Variants in ZNF655 observed in about 807,000 individuals in gnomAD.
ZNF655 encodes the protein zinc finger protein 655, also known as Vav-interacting Kruppel-like protein 1.
In ZNF655, 3 loss-of-function variants were observed where a neutral mutation model predicts 6.6. The ratio of observed to expected loss-of-function variants is 0.46; its 90% CI spans 0.21 to 1.18. ZNF655 has a LOEUF of 1.18. Among genes scored for constraint, ZNF655 ranks in the 50% most tolerant of loss-of-function variants. ZNF655 has a pLI of 0.24. For missense variants in ZNF655, 526 were observed against 572.3 expected (o/e 0.92, Z 0.83); for synonymous variants, 178 against 195.0 (o/e 0.91, Z 0.73).
chr7:99,562,448 C>A, intron 2 of ZNF655: 1 of 1,614,114 alleles, frequency 6.2e-7, no homozygotes, highest in Non-Finnish European at 8.5e-7. Flanking sequence ...AGAGGGACCT[C>A]TACAGAGAAG....
intron 2 of ZNF655, chr7:99,571,322 T>G: frequency 7.8e-7 from 1 of 1,287,242 alleles, no homozygotes; most frequent in Non-Finnish European, 1.0e-6. Flanking sequence ...GAATTACATT[T>G]TGATGACCTC....
At chr7:99,566,006 A>G (rs1454563701) in intron 2 of ZNF655, among the ~76,000 whole-genome samples, 2 of 149,790 alleles carry the variant, frequency 1.3e-5, no homozygotes, top group African/African-American at 2.5e-5. Context: ...ACACACACAG[A>G]CATAGGACAT....
At chr7:99,565,191 C>T (rs1467791602) in intron 2 of ZNF655, among the ~76,000 whole-genome samples, 4 of 150,012 alleles carry the variant, frequency 2.7e-5, no homozygotes, top group African/African-American at 4.9e-5. Flanking sequence ...TTTTTTGAGA[C>T]GGAGTCTTGC....
intron 2 of ZNF655, chr7:99,563,961 G>C (rs776385536): frequency 1.2e-6 from 2 of 1,613,910 alleles, no homozygotes; most frequent in East Asian, 4.5e-5. Context: ...AGAAACACTT[G>C]CCGTCCTTAC....
rs1438205755 is a variant in ZNF655 at position 99,564,820 on chromosome 7, T to A, written c.136+4125T>A. 4 of 526,528 alleles carry A rather than the reference T, an allele frequency of 7.6e-6. No individual in the cohort carries two copies. In the African/African-American group the frequency reaches 8.3e-5, roughly 11 times the overall value. 32.6% of individuals were successfully genotyped at this position (526,528 alleles called of 1,614,324 possible). On this transcript the variant is annotated intron_variant, in intron 2 of 2. Transcript: ENST00000252713. The stretch of plus-strand genomic sequence containing the variant: ...CCTCTCTTATCTCTGCACTGCACAC[T>A]CGACATGCAGTCGACATGCATACAC...
chr7:99,570,196 T>C (rs1319371152), intron 2 of ZNF655: 1 of 152,246 alleles, frequency 6.6e-6, no homozygotes, highest in Non-Finnish European at 1.5e-5. Context: ...ACAGACACTT[T>C]AAATATCTCA....
intron 2 of ZNF655, among the ~76,000 whole-genome samples, chr7:99,566,295 T>C (rs1029487832): frequency 2.6e-5 from 4 of 152,196 alleles, no homozygotes; most frequent in African/African-American, 9.7e-5. Context: ...GTGAGTTGTG[T>C]GTACTCTGAT....
intron 2 of ZNF655, among the ~76,000 whole-genome samples, chr7:99,568,637 T>C (rs1007168691): frequency 3.3e-5 from 5 of 152,150 alleles, no homozygotes; most frequent in African/African-American, 1.2e-4. Context: ...TTTTAATTTT[T>C]TGTAGAGATG....
At chr7:99,564,191 T>G (rs1444054122) in intron 2 of ZNF655, 1 of 1,395,204 alleles carries the variant, frequency 7.2e-7, no homozygotes, top group African/African-American at 1.5e-5. Flanking sequence ...CAACCAGATA[T>G]GTTTTGAACC....
At chr7:99,562,205 A>G in intron 2 of ZNF655, 2 of 882,256 alleles carry the variant, frequency 2.3e-6, no homozygotes, top group South Asian at 2.0e-5. Context: ...ATGGGTGCTT[A>G]TTAGATGTTT....
chr7:99,568,684 C>G (rs1191289669), intron 2 of ZNF655, among the ~76,000 whole-genome samples: 1 of 152,180 alleles, frequency 6.6e-6, no homozygotes, highest in Non-Finnish European at 1.5e-5. Flanking sequence ...TCTCAAATTC[C>G]TGAGCTCATG....
At chr7:99,565,977 C>CAT (rs1202534319) in intron 2 of ZNF655, among the ~76,000 whole-genome samples, 1 of 151,846 alleles carries the variant, frequency 6.6e-6, no homozygotes, top group African/African-American at 2.4e-5. Context: ...TATACACACA[C>CAT]ACACACATAT....
In ZNF655 at chr7:99,560,530, C is replaced by T. The variant is rs749019662; in HGVS notation, c.-27-3C>T. 3 of 1,608,562 alleles carry T rather than the reference C, an allele frequency of 1.9e-6. No individual in the cohort carries two copies. The highest frequency in any genetic ancestry group is 1.7e-6 in the Non-Finnish European group (2 of 1,176,490). Reference sequence around the variant, plus strand: ...AGTAATTTCTCTTAATCTTACCTTGCAGTGATGGTCATTGTCCTCCAGAGC... The same window carrying T: ...AGTAATTTCTCTTAATCTTACCTTGTAGTGATGGTCATTGTCCTCCAGAGC... On this transcript the variant is annotated splice_region_variant and splice_polypyrimidine_tract_variant and intron_variant, in intron 1 of 2. Transcript: ENST00000252713.
chr7:99,567,277 T>G (rs1428768215), intron 2 of ZNF655, among the ~76,000 whole-genome samples: 1 of 152,240 alleles, frequency 6.6e-6, no homozygotes, highest in Non-Finnish European at 1.5e-5. Flanking sequence ...CTCACACATG[T>G]AATCCCAGCA....
At chr7:99,561,506 AGAAC>A (rs769207234) in intron 2 of ZNF655, among the ~76,000 whole-genome samples, 6 of 152,238 alleles carry the variant, frequency 3.9e-5, no homozygotes, top group Admixed American at 6.5e-5. Flanking sequence ...TCAAGTGTCT[AGAAC>A]AGTGCCTGGA....
chr7:99,572,245 A>C lies in ZNF655; in HGVS notation c.137A>C (p.Asp46Ala), dbSNP rs1244197019. ...ATTTTCTATTTATATATTGTATCAG[A>C]TGGAGAGACCAGAGAAGAGAACAAG... ...DTDMEQGLTG[D>A]GETREENKLL... is the part of the protein sequence containing the mutation. Residue 46 changes from aspartate (D) to alanine (A), a missense_variant and splice_region_variant, in exon 3 of 3, where the codon GAT becomes GCT. Coordinates refer to ENST00000252713, the MANE Select transcript of ZNF655 (RefSeq NM_138494.3). The C allele has an allele frequency of 6.3e-7, 1 of 1,590,204 alleles. No individual in the cohort carries two copies. Among genetic ancestry groups the C allele is most frequent in the Non-Finnish European group, 8.5e-7 (1 of 1,170,844 alleles).
chr7:99,568,198 T>G (rs901696812), intron 2 of ZNF655, among the ~76,000 whole-genome samples: 2 of 152,050 alleles, frequency 1.3e-5, no homozygotes, highest in African/African-American at 2.4e-5. Context: ...GTGTTCAAAT[T>G]ATTTATTTAT....
intron 2 of ZNF655, chr7:99,571,723 C>G: frequency 6.2e-7 from 1 of 1,610,150 alleles, no homozygotes; most frequent in Non-Finnish European, 8.5e-7. Flanking sequence ...GATCTCCCAG[C>G]TGGAACAGGA....
At chr7:99,565,412 G>A (rs866807799) in intron 2 of ZNF655, among the ~76,000 whole-genome samples, 13 of 152,030 alleles carry the variant, frequency 8.6e-5, no homozygotes, top group African/African-American at 2.7e-4. Context: ...CTCGTGATCC[G>A]CCTGTCTCGG....
Sources: allele counts gnomAD v4.1 joint callset (sites outside exome capture counted in the v4.1 genomes callset), GRCh38; gene constraint gnomAD v4.1.1; transcripts MANE v1.5; gene names NCBI Gene and HGNC (gene_info 2026-07-23, HGNC 2026-07-21).